SAMD13: variants seen among roughly 807,000 people sequenced by gnomAD.
SAMD13 encodes the protein sterile alpha motif domain containing 13.
Under a neutral mutation model 12.4 loss-of-function variants are expected in SAMD13, and 9 were observed. That is an observed-to-expected ratio of 0.72 (90% CI 0.44 to 1.26). The LOEUF is 1.26. Among genes scored for constraint, SAMD13 ranks in the 50% most tolerant of loss-of-function variants. The pLI is 0.00. For missense variants in SAMD13, 84 were observed against 119.6 expected (o/e 0.70, Z 1.39); for synonymous variants, 46 against 45.4 (o/e 1.01, Z -0.05).
At chr1:84,331,729 G>A (rs1386645168) in intron 3 of SAMD13, among the ~76,000 whole-genome samples, 1 of 152,032 alleles carries the variant, frequency 6.6e-6, no homozygotes, top group Non-Finnish European at 1.5e-5. Flanking sequence ...GAAAAAACTT[G>A]TTGAAGTTTT....
At chr1:84,307,924 C>CAGAAA (rs1678618621) in intron 2 of SAMD13, among the ~76,000 whole-genome samples, 3 of 152,246 alleles carry the variant, frequency 2.0e-5, no homozygotes, top group African/African-American at 7.2e-5. Flanking sequence ...GGTTTGTTCC[C>CAGAAA]CTGCCTCAGG....
At chr1:84,339,419 T>A (rs1679374911) in intron 3 of SAMD13, among the ~76,000 whole-genome samples, 2 of 152,200 alleles carry the variant, frequency 1.3e-5, no homozygotes, top group Admixed American at 6.5e-5. Context: ...TATAAGGTGA[T>A]TGGCTTCATT....
intron 2 of SAMD13, among the ~76,000 whole-genome samples, chr1:84,308,828 A>T (rs1279473107): frequency 6.6e-6 from 1 of 152,106 alleles, no homozygotes. Flanking sequence ...GAGAAAGAAA[A>T]TTTTTCTTCC....
intron 2 of SAMD13, among the ~76,000 whole-genome samples, chr1:84,308,671 TAGAAG>T (rs1400319643): frequency 6.6e-6 from 1 of 152,150 alleles, no homozygotes; most frequent in Non-Finnish European, 1.5e-5. Flanking sequence ...TTATATATCA[TAGAAG>T]AGAAGGGCAG....
intron 2 of SAMD13, among the ~76,000 whole-genome samples, chr1:84,323,872 C>A (rs974370316): frequency 3.3e-5 from 5 of 152,192 alleles, no homozygotes; most frequent in African/African-American, 1.2e-4. Flanking sequence ...CTGTCTCCCA[C>A]AGGTGTACCT....
At chr1:84,299,658 T>TATAA (rs1558432034), upstream of SAMD13, 1 of 682,972 alleles carries the variant, frequency 1.5e-6, no homozygotes, top group Non-Finnish European at 1.8e-6. Context: ...AGTACTAGTG[T>TATAA]ATATATATAT....
intron 2 of SAMD13, among the ~76,000 whole-genome samples, chr1:84,306,836 T>TAATAAC (rs141111197): frequency 6.9e-6 from 1 of 145,626 alleles, no homozygotes; most frequent in Non-Finnish European, 1.5e-5. Context: ...CTCAAAATAA[T>TAATAAC]AATAATAATA....
At chr1:84,314,717 A>T (rs1678791519) in intron 2 of SAMD13, among the ~76,000 whole-genome samples, 1 of 152,138 alleles carries the variant, frequency 6.6e-6, no homozygotes, top group East Asian at 1.9e-4. Flanking sequence ...TGATGGTAAG[A>T]TGTTGTATCC....
chr1:84,301,932 A>C (rs1338495424), intron 1 of SAMD13, 131 bp downstream of exon 1: 6 of 221,294 alleles, frequency 2.7e-5, no homozygotes, highest in African/African-American at 1.4e-4. Flanking sequence ...AAAATGGTGA[A>C]TGTGTAACAG....
At chr1:84,327,762 G>A (rs1025409244) in intron 3 of SAMD13, among the ~76,000 whole-genome samples, 1 of 152,090 alleles carries the variant, frequency 6.6e-6, no homozygotes, top group Admixed American at 6.5e-5. Flanking sequence ...ACATATATGT[G>A]GTAAAGCAAG....
chr1:84,329,944 A>C (rs1679139702), intron 3 of SAMD13, among the ~76,000 whole-genome samples: 1 of 152,170 alleles, frequency 6.6e-6, no homozygotes, highest in Non-Finnish European at 1.5e-5. Flanking sequence ...AGCAATCCAA[A>C]GGGTTCACTG....
intron 2 of SAMD13, among the ~76,000 whole-genome samples, chr1:84,309,162 A>G (rs1678652498): frequency 6.6e-6 from 1 of 152,192 alleles, no homozygotes; most frequent in Non-Finnish European, 1.5e-5. Flanking sequence ...TAAAAATGAC[A>G]TGAGAAAGTG....
rs1679632172 is a variant in SAMD13 at position 84,350,725 on chromosome 1, T to C, written c.*951T>C. ...GCTACATCTCTGTTCAAAGAGACATTTGTTCAATCTCTGTGTGTCAACGCC... is the reference window on the plus strand; with the variant it reads ...GCTACATCTCTGTTCAAAGAGACATCTGTTCAATCTCTGTGTGTCAACGCC... On this transcript the variant is annotated 3_prime_UTR_variant, in exon 4 of 4. Transcript: ENST00000394834. 6.6e-6 allele frequency: 1 copy of C among 152,602 alleles called. No homozygotes were observed. The highest frequency in any genetic ancestry group is 2.4e-5 in the African/African-American group (1 of 41,428). The allele number at this position is 152,602 out of a possible 1,614,324, so 9.5% of individuals were successfully genotyped here. A position where few individuals can be genotyped will look rare whatever the true frequency, so the allele number is the denominator to read the frequency against.
intron 2 of SAMD13, among the ~76,000 whole-genome samples, chr1:84,321,321 G>A (rs1380266005): frequency 2.0e-5 from 3 of 151,944 alleles, no homozygotes; most frequent in South Asian, 2.1e-4. Context: ...ATTTGATTAA[G>A]TGCTGAGATT....
intron 2 of SAMD13, among the ~76,000 whole-genome samples, chr1:84,322,128 G>T (rs1446662758): frequency 1.3e-5 from 2 of 152,098 alleles, no homozygotes; most frequent in South Asian, 2.1e-4. Context: ...TTCACCCCTC[G>T]ATTCGAATAT....
chr1:84,306,356 A>G (rs1306652214), intron 2 of SAMD13, among the ~76,000 whole-genome samples: 2 of 152,140 alleles, frequency 1.3e-5, no homozygotes, highest in Non-Finnish European at 2.9e-5. Flanking sequence ...TATTACTTCT[A>G]GTAGCTTTTT....
chr1:84,337,631 A>C (rs1289665080), intron 3 of SAMD13, among the ~76,000 whole-genome samples: 3 of 152,066 alleles, frequency 2.0e-5, no homozygotes, highest in African/African-American at 4.8e-5. Context: ...TGCCATGAAG[A>C]CCTCTGACAT....
chr1:84,319,206 G>A (rs1158126215), intron 2 of SAMD13, among the ~76,000 whole-genome samples: 1 of 152,194 alleles, frequency 6.6e-6, no homozygotes, highest in Non-Finnish European at 1.5e-5. Flanking sequence ...GGGAGGAAAA[G>A]TTCTTCAGGT....
intron 2 of SAMD13, among the ~76,000 whole-genome samples, chr1:84,320,260 GTC>G (rs1441542440): frequency 6.6e-6 from 1 of 152,210 alleles, no homozygotes; most frequent in Non-Finnish European, 1.5e-5. Flanking sequence ...GTATGGGAAA[GTC>G]TAGGATGTTG....
Sources: gnomAD v4.1 joint callset for allele counts (sites outside exome capture counted in the v4.1 genomes callset) on GRCh38, gnomAD v4.1.1 for gene constraint, MANE v1.5 for transcripts, NCBI Gene and HGNC (gene_info 2026-07-23, HGNC 2026-07-21) for gene names.